ATP2A3: variants seen among roughly 807,000 people sequenced by gnomAD.
ATP2A3 encodes the protein sarcoplasmic/endoplasmic reticulum calcium ATPase 3.
A neutral mutation model predicts 106.8 loss-of-function variants in ATP2A3; 61 were observed. The observed-to-expected ratio is 0.57, with a 90% CI of 0.46 to 0.71. The LOEUF (loss-of-function observed/expected upper bound fraction) is 0.71. Ranked by LOEUF, ATP2A3 falls within the 30% of genes least tolerant of loss-of-function variation. The pLI is 0.00. For synonymous variants in ATP2A3, 611 were observed against 609.3 expected, an observed-to-expected ratio of 1.00 and a Z score of -0.04; for missense variants, 1,201 against 1,423.5, an observed-to-expected ratio of 0.84 and a Z score of 2.52.
In ATP2A3 at chr17:3,936,751, CACACGCACACGAAG is replaced by C. The variant is rs1291409960; in HGVS notation, c.2322-296_2322-283del. ...ACACACACACACACACACACACACACACACGCACACGAAGAGGGCATGCCCAAGAATCAGACATG... is the reference window on the plus strand; with the variant it reads ...ACACACACACACACACACACACACACAGGGCATGCCCAAGAATCAGACATG... On this transcript the variant is annotated intron_variant, in intron 15 of 20. Coordinates refer to ENST00000397041, the MANE Select transcript of ATP2A3 (RefSeq NM_005173.4). The surrounding 1 kb of genome is among the most constrained non-coding windows in gnomAD (Gnocchi z 5.4). The C allele has an allele frequency of 2.2e-5, 11 of 494,130 alleles. No individual in the cohort carries two copies. The highest frequency in any genetic ancestry group is 1.2e-4 in the African/African-American group (6 of 51,438). The allele number at this position is 494,130 out of a possible 1,614,324, so 30.6% of individuals were successfully genotyped here.
Position 3,937,410 on chromosome 17 carries a change from C to T in ATP2A3, c.2321+6G>A, listed in dbSNP as rs201499632. 1.2e-6 allele frequency: 2 copies of T among 1,612,282 alleles called. No homozygotes were observed. Among genetic ancestry groups the T allele is most frequent in the Admixed American group, 3.3e-5 (2 of 59,876 alleles). On this transcript the variant is annotated splice_donor_region_variant and intron_variant, in intron 15 of 20. Coordinates refer to ENST00000397041, the MANE Select transcript of ATP2A3 (RefSeq NM_005173.4). ...AGGGCTGAGAGGAGGGAAGGCCCGGCCTCACCAGACGACCTCGCCAACATT... is the reference window on the plus strand; with the variant it reads ...AGGGCTGAGAGGAGGGAAGGCCCGGTCTCACCAGACGACCTCGCCAACATT...
At chr17:3,943,172 C>T (rs921646932) in intron 11 of ATP2A3, among the ~76,000 whole-genome samples, 2 of 151,256 alleles carry the variant, frequency 1.3e-5, no homozygotes, top group Admixed American at 1.3e-4. Context: ...GCCGGGAGGT[C>T]GAGGCACGAG....
At position 3,945,090 on chromosome 17, in the gene ATP2A3, G is replaced by A; in HGVS notation, c.1154C>T (p.Ser385Leu). The A allele has an allele frequency of 1.9e-6, 3 of 1,547,700 alleles. No individual in the cohort carries two copies. The highest frequency in any genetic ancestry group is 2.6e-6 in the Non-Finnish European group (3 of 1,145,544). The stretch of plus-strand genomic sequence containing the variant: ...GCCCTCGGGGGTATACGTGGTACCC[G>A]AGATGGTGAACTCGTGCAAAAGGCA... ...GSCLLHEFTI[S>L]GTTYTPEGEV... is the part of the protein sequence containing the mutation. Residue 385 changes from serine to leucine, a missense_variant, in exon 9 of 21, where the codon TCG (serine) becomes TTG (leucine). Coordinates refer to ENST00000397041, the MANE Select transcript of ATP2A3 (RefSeq NM_005173.4).
In ATP2A3 at chr17:3,947,689, A is replaced by C; in HGVS notation, c.797T>G (p.Val266Gly). ...GATGACCCACACGGCCACGCAGATC[A>C]CAGAGATGGCGTGGGACAGCTGCCG... ...FGRQLSHAIS[V>G]ICVAVWVINI... is the part of the protein sequence containing the mutation. Residue 266 changes from valine to glycine, a missense_variant, in exon 8 of 21, where the codon GTG becomes GGG. By Grantham distance (109) the Val-to-Gly change is moderately radical (BLOSUM62 -3). Around this residue, in one of 2 missense-constraint regions of ATP2A3, gnomAD observed 935 missense variants for 1,176.7 expected, o/e 0.79. Transcript: ENST00000397041. This position sits in a 1 kb window ranked among gnomAD's most constrained non-coding sequence, Gnocchi z 7.7. The C allele has an allele frequency of 1.9e-6, 3 of 1,611,946 alleles. No homozygotes were observed. Among genetic ancestry groups the C allele is most frequent in the Non-Finnish European group, 2.5e-6 (3 of 1,179,880 alleles).
chr17:3,959,191 G>C (rs1028925217), intron 1 of ATP2A3, among the ~76,000 whole-genome samples: 1 of 152,038 alleles, frequency 6.6e-6, no homozygotes, highest in Non-Finnish European at 1.5e-5. Context: ...TAGCCACCGC[G>C]CCCGGCCTTC....
In ATP2A3 at chr17:3,941,399, A is replaced by G. The variant is rs772169999; in HGVS notation, c.1764+37T>C. The G allele has an allele frequency of 1.5e-5, 24 of 1,612,530 alleles. 2 individuals carry two copies. The South Asian group carries it at 2.3e-4, about 16-fold the overall frequency. On this transcript the variant is annotated intron_variant, in intron 13 of 20. Coordinates refer to ENST00000397041, the MANE Select transcript of ATP2A3 (RefSeq NM_005173.4). ...GCAGGGAGACTTGGCTCCTGCACCC[A>G]CCTCGTACTGCAGGGAGAATCGGCT... is the stretch of plus-strand genomic sequence containing the variant.
chr17:3,946,592 CT>C (rs2054132116), intron 8 of ATP2A3, among the ~76,000 whole-genome samples: 1 of 152,302 alleles, frequency 6.6e-6, no homozygotes, highest in South Asian at 2.1e-4. Flanking sequence ...AAGAAACACT[CT>C]GTTTAAATAA....
At position 3,964,316 on chromosome 17, in the gene ATP2A3, G is replaced by A; in HGVS notation, c.-25C>T. ...TGCCGCCCGCCCGGCCGTCTGCGCC[G>A]TCCGCACCGTCGAGGCCGCCTCTCC... On this transcript the variant is annotated 5_prime_UTR_variant, in exon 1 of 21. The change creates a new upstream start codon in the 5' untranslated region. Coordinates refer to ENST00000397041, the MANE Select transcript of ATP2A3 (RefSeq NM_005173.4). The A allele has an allele frequency of 3.4e-6, 4 of 1,185,316 alleles. No individual in the cohort carries two copies. Among genetic ancestry groups the A allele is most frequent in the Non-Finnish European group, 4.2e-6 (4 of 944,774 alleles). 73.4% of individuals were successfully genotyped at this position (1,185,316 alleles called of 1,614,324 possible).
rs2053029113 is a variant in ATP2A3 at position 3,930,726 on chromosome 17, G to A, written c.2611-292C>T. The A allele has an allele frequency of 1.9e-6, 1 of 520,650 alleles. No homozygotes were observed. The highest frequency in any genetic ancestry group is 1.9e-5 in the African/African-American group (1 of 52,110). The allele number at this position is 520,650 out of a possible 1,614,324, so 32.3% of individuals were successfully genotyped here. A position where few individuals can be genotyped will look rare whatever the true frequency, so the allele number is the denominator to read the frequency against. On this transcript the variant is annotated intron_variant, in intron 17 of 20. Coordinates refer to ENST00000397041, the MANE Select transcript of ATP2A3 (RefSeq NM_005173.4). The surrounding 1 kb of genome is among the most constrained non-coding windows in gnomAD (Gnocchi z 5.4). ...AGCTGGCATTAGCCTGGGGAGGCTAGCGGGAGCCTGGAGATCACTGAATAG... is the reference window on the plus strand; with the variant it reads ...AGCTGGCATTAGCCTGGGGAGGCTAACGGGAGCCTGGAGATCACTGAATAG...
At position 3,947,840 on chromosome 17, in the gene ATP2A3, A is replaced by T. The variant is rs1567709181; in HGVS notation, c.646T>A (p.Ser216Thr). ...NMLFSGTNIT[S>T]GKAVGVAVAT... Reference sequence around the variant, plus strand: ...ACGGCCACACCCACCGCTTTGCCCGATGTGATATTGGTGCCCTGGCCAGGG... The same window carrying T: ...ACGGCCACACCCACCGCTTTGCCCGTTGTGATATTGGTGCCCTGGCCAGGG... Residue 216 changes from serine to threonine, a missense_variant, in exon 8 of 21, where the codon TCG (serine) becomes ACG (threonine). Physicochemically the swap from Ser to Thr is moderately conservative, Grantham distance 58 (BLOSUM62 1). This residue lies in a region of ATP2A3 where 935 missense variants were observed against 1,176.7 expected (regional missense o/e 0.79). Transcript: ENST00000397041. This position sits in a 1 kb window ranked among gnomAD's most constrained non-coding sequence, Gnocchi z 7.7. The T allele has an allele frequency of 2.5e-6, 4 of 1,598,698 alleles. No individual in the cohort carries two copies. The highest frequency in any genetic ancestry group is 3.4e-6 in the Non-Finnish European group (4 of 1,179,862).
intron 8 of ATP2A3, among the ~76,000 whole-genome samples, chr17:3,945,682 C>G (rs563172571): frequency 2.6e-5 from 4 of 152,230 alleles, no homozygotes; most frequent in South Asian, 2.1e-4. Flanking sequence ...ACTCAGCCCC[C>G]ACCTGTGCAC....
chr17:3,944,430 G>T (rs935779071), intron 10 of ATP2A3, among the ~76,000 whole-genome samples: 2 of 152,124 alleles, frequency 1.3e-5, no homozygotes, highest in Non-Finnish European at 2.9e-5. Context: ...TCTTGGTCCT[G>T]TTCCCCAAAT....
intron 12 of ATP2A3, 125 bp from the exon 13 acceptor site, chr17:3,941,779 G>A: frequency 1.0e-6 from 1 of 967,426 alleles, no homozygotes; most frequent in African/African-American, 1.6e-5. Context: ...CACACGCAAG[G>A]CAGGGAGCAG....
chr17:3,928,084 G>T lies in ATP2A3; in HGVS notation c.2980+579C>A. The stretch of plus-strand genomic sequence containing the variant: ...CACTCTCAGAGCCCACCTGGCAGAG[G>T]CAGGTGGATGGACCCCATGTCCCAG... On this transcript the variant is annotated intron_variant, in intron 20 of 20. Coordinates refer to ENST00000397041, the MANE Select transcript of ATP2A3 (RefSeq NM_005173.4). This position sits in a 1 kb window ranked among gnomAD's most constrained non-coding sequence, Gnocchi z 6.1. 1 of 1,606,664 alleles carries T rather than the reference G, an allele frequency of 6.2e-7. No homozygotes were observed. Among genetic ancestry groups the T allele is most frequent in the Non-Finnish European group, 8.5e-7 (1 of 1,173,368 alleles).
chr17:3,928,172 C>A lies in ATP2A3; in HGVS notation c.2980+491G>T. The A allele has an allele frequency of 6.2e-7, 1 of 1,601,690 alleles. No individual in the cohort carries two copies. Among genetic ancestry groups the A allele is most frequent in the South Asian group, 1.1e-5 (1 of 90,780 alleles). On this transcript the variant is annotated intron_variant, in intron 20 of 20. Coordinates refer to ENST00000397041, the MANE Select transcript of ATP2A3 (RefSeq NM_005173.4). The surrounding 1 kb of genome is among the most constrained non-coding windows in gnomAD (Gnocchi z 6.1). ...TCTCCACTCCGGGGTTAAGGCAGAC[C>A]CAGAGCTGTGAGCTCAGAAACAACC...
At chr17:3,940,581 C>T (rs988129016) in intron 14 of ATP2A3, among the ~76,000 whole-genome samples, 4 of 152,164 alleles carry the variant, frequency 2.6e-5, no homozygotes, top group African/African-American at 9.7e-5. Context: ...GATCTCGGCT[C>T]ACTGCAACCT....
intron 6 of ATP2A3, 43 bp from the exon 7 acceptor site, chr17:3,950,639 G>A (rs776481520): frequency 8.1e-6 from 13 of 1,613,190 alleles, no homozygotes; most frequent in African/African-American, 2.7e-5. Context: ...ATGAAGACAC[G>A]CCCATCCCTT....
chr17:3,954,608 T>A (rs976130516), intron 1 of ATP2A3, among the ~76,000 whole-genome samples: 94 of 151,942 alleles, frequency 6.2e-4, no homozygotes, highest in African/African-American at 2.2e-3. Flanking sequence ...GCGATTCTCC[T>A]GCCTTAGCCT....
intron 1 of ATP2A3, among the ~76,000 whole-genome samples, chr17:3,961,883 T>C (rs963815147): frequency 6.6e-6 from 1 of 152,160 alleles, no homozygotes; most frequent in Non-Finnish European, 1.5e-5. Context: ...TGGTCCAGCA[T>C]TGCACAGCTA....
Sources: allele counts gnomAD v4.1 joint callset (sites outside exome capture counted in the v4.1 genomes callset), GRCh38; gene constraint gnomAD v4.1.1; regional missense constraint gnomAD v4.1.1; non-coding constraint Gnocchi (gnomAD v3.1); transcripts MANE v1.5; gene names NCBI Gene and HGNC (gene_info 2026-07-23, HGNC 2026-07-21).